Variants in MYO1B observed in about 807,000 individuals in gnomAD.
MYO1B encodes the protein unconventional myosin-Ib.
In MYO1B, 72 loss-of-function variants were observed where a neutral mutation model predicts 159.7. The observed-to-expected ratio is 0.45, with a 90% CI of 0.37 to 0.55. The LOEUF (loss-of-function observed/expected upper bound fraction) is 0.55. MYO1B is among the 20% of genes least tolerant of loss of function. The pLI, the probability that MYO1B is intolerant of heterozygous loss-of-function variation, is 0.00. For missense variants in MYO1B, 1,062 were observed against 1,364.8 expected (o/e 0.78, Z 3.50); for synonymous variants, 468 against 473.8 (o/e 0.99, Z 0.16).
intron 1 of MYO1B, among the ~76,000 whole-genome samples, chr2:191,248,159 A>G (rs1574252697): frequency 1.3e-5 from 2 of 152,360 alleles, no homozygotes; most frequent in African/African-American, 4.8e-5. Context: ...TAGCCTAACA[A>G]TAATTATAGC....
At chr2:191,400,669 T>A in intron 22 of MYO1B, 80 bp from the exon 23 acceptor site, 1 of 1,504,958 alleles carries the variant, frequency 6.6e-7, no homozygotes, top group South Asian at 1.2e-5. Context: ...AGTGTCTCTC[T>A]TTTTCTTTCT....
At chr2:191,378,956 A>T (rs1348360911) in intron 13 of MYO1B, among the ~76,000 whole-genome samples, 2 of 152,144 alleles carry the variant, frequency 1.3e-5, no homozygotes, top group African/African-American at 4.8e-5. Flanking sequence ...GAAGCATTGG[A>T]TTTTGAAGCT....
intron 3 of MYO1B, among the ~76,000 whole-genome samples, chr2:191,304,648 T>C (rs4853583): frequency 0.53 from 80,503 of 152,056 alleles, 22,069 homozygotes; most frequent in East Asian, 0.65. Flanking sequence ...CCTCAGCTAA[T>C]TTTTCTTCCA....
At chr2:191,399,648 G>A (rs969639185) in intron 21 of MYO1B, among the ~76,000 whole-genome samples, 1 of 152,206 alleles carries the variant, frequency 6.6e-6, no homozygotes, top group Non-Finnish European at 1.5e-5. Flanking sequence ...CTTTCAGAGG[G>A]TAGACGCTGG....
In MYO1B at chr2:191,341,430, A is replaced by G. The variant is rs549151573; in HGVS notation, c.347-31A>G. ...AAAAGATTTTTTAAATTTCTGTGTT[A>G]TTGATTAATATGGCTTATTTTCATC... On this transcript the variant is annotated intron_variant, in intron 4 of 30. Transcript: ENST00000392318. 88 of 1,580,206 alleles carry G rather than the reference A, an allele frequency of 5.6e-5. No homozygotes were observed. The South Asian group carries it at 9.2e-4, about 16-fold the overall frequency.
chr2:191,377,504 A>T (rs969126337), intron 13 of MYO1B: 1 of 152,180 alleles, frequency 6.6e-6, no homozygotes, highest in Non-Finnish European at 1.5e-5. Context: ...ATTGCTGGCT[A>T]TTCACACAGT....
intron 1 of MYO1B, chr2:191,263,246 C>A: frequency 1.2e-6 from 1 of 843,286 alleles, no homozygotes; most frequent in Non-Finnish European, 1.4e-6. Flanking sequence ...GACCTACTTT[C>A]CCCTTCTTAT....
chr2:191,313,434 G>C (rs1383581131), intron 3 of MYO1B, among the ~76,000 whole-genome samples: 2 of 151,882 alleles, frequency 1.3e-5, no homozygotes, highest in Admixed American at 6.5e-5. Flanking sequence ...GCCCAGGCTG[G>C]AGTGCAGTGG....
chr2:191,262,571 A>T (rs954266989), intron 1 of MYO1B, among the ~76,000 whole-genome samples: 2 of 151,926 alleles, frequency 1.3e-5, no homozygotes, highest in African/African-American at 4.8e-5. Context: ...GACATAAGTA[A>T]TGACTGTAGC....
At chr2:191,368,697 C>T (rs906844111) in intron 11 of MYO1B, among the ~76,000 whole-genome samples, 2 of 152,184 alleles carry the variant, frequency 1.3e-5, no homozygotes, top group Non-Finnish European at 2.9e-5. Flanking sequence ...TGTGGCCAGG[C>T]ATGGTGGCTC....
intron 3 of MYO1B, among the ~76,000 whole-genome samples, chr2:191,309,956 C>T (rs1351970169): frequency 6.6e-6 from 1 of 152,188 alleles, no homozygotes; most frequent in Non-Finnish European, 1.5e-5. Flanking sequence ...AGAGCAGCCA[C>T]TCCATAAATA....
intron 3 of MYO1B, among the ~76,000 whole-genome samples, chr2:191,325,813 A>G (rs927588034): frequency 6.6e-6 from 1 of 152,156 alleles, no homozygotes; most frequent in African/African-American, 2.4e-5. Context: ...AATTGTGAAC[A>G]TGCAACCCAG....
intron 6 of MYO1B, 61 bp downstream of exon 6, chr2:191,346,343 A>T: frequency 1.8e-6 from 2 of 1,120,324 alleles, no homozygotes; most frequent in Non-Finnish European, 2.5e-6. Context: ...TGTTTAAACA[A>T]CCAGTAGATG....
chr2:191,392,587 A>AT (rs1000970635), intron 19 of MYO1B, among the ~76,000 whole-genome samples: 102 of 152,212 alleles, frequency 6.7e-4, no homozygotes, highest in African/African-American at 2.4e-3. Flanking sequence ...TAAAATGAAA[A>AT]TTTTTTTTAA....
chr2:191,399,049 C>T (rs1446824937), intron 21 of MYO1B, among the ~76,000 whole-genome samples: 10 of 152,260 alleles, frequency 6.6e-5, no homozygotes, highest in East Asian at 1.9e-4. Flanking sequence ...GGATCACTCG[C>T]GGTTAGGAGC....
intron 3 of MYO1B, among the ~76,000 whole-genome samples, chr2:191,314,094 T>C (rs970652779): frequency 5.3e-5 from 8 of 152,184 alleles, no homozygotes; most frequent in African/African-American, 1.9e-4. Context: ...TAAACATGAG[T>C]TCAGTAGTAT....
intron 2 of MYO1B, among the ~76,000 whole-genome samples, chr2:191,281,397 CT>C (rs1688052149): frequency 6.6e-6 from 1 of 152,180 alleles, no homozygotes; most frequent in Admixed American, 6.5e-5. Flanking sequence ...ATTCCTCCAT[CT>C]TGGCGGAGTG....
chr2:191,335,989 T>C (rs1197193697), intron 4 of MYO1B, among the ~76,000 whole-genome samples: 1 of 152,156 alleles, frequency 6.6e-6, no homozygotes, highest in African/African-American at 2.4e-5. Flanking sequence ...CATGTATTTT[T>C]AGGCATTGAA....
At chr2:191,255,315 C>T (rs917921709) in intron 1 of MYO1B, among the ~76,000 whole-genome samples, 2 of 152,090 alleles carry the variant, frequency 1.3e-5, no homozygotes, top group South Asian at 2.1e-4. Context: ...GAAATGGACA[C>T]GGATAAATAT....
Sources: gnomAD v4.1 joint callset for allele counts (sites outside exome capture counted in the v4.1 genomes callset) on GRCh38, gnomAD v4.1.1 for gene constraint, MANE v1.5 for transcripts, NCBI Gene and HGNC (gene_info 2026-07-23, HGNC 2026-07-21) for gene names.